Variants in ANGPT1 observed in about 807,000 individuals in gnomAD.
ANGPT1 encodes angiopoietin-1.
Under a neutral mutation model 62.2 loss-of-function variants are expected in ANGPT1, and 17 were observed. The observed-to-expected ratio is 0.27, with a 90% confidence interval of 0.19 to 0.41. ANGPT1 has a LOEUF of 0.41. ANGPT1 is among the 10% of genes least tolerant of loss of function. The pLI, the probability that ANGPT1 is intolerant of heterozygous loss-of-function variation, is 1.00. For synonymous variants in ANGPT1, 199 were observed against 198.9 expected, an observed-to-expected ratio of 1.00 and a Z score of 0.00; for missense variants, 478 against 594.9, an observed-to-expected ratio of 0.80 and a Z score of 2.04.
intron 1 of ANGPT1, among the ~76,000 whole-genome samples, chr8:107,493,621 G>A (rs1813021329): frequency 6.7e-6 from 1 of 150,352 alleles, no homozygotes; most frequent in Admixed American, 6.7e-5. Flanking sequence ...ATAAAATGCT[G>A]ACAGTAGACA....
At chr8:107,325,635 A>G (rs1165606598) in intron 3 of ANGPT1, among the ~76,000 whole-genome samples, 1 of 152,196 alleles carries the variant, frequency 6.6e-6, no homozygotes, top group Non-Finnish European at 1.5e-5. Context: ...CTAAGTGCCA[A>G]TAATTCTGTA....
At chr8:107,273,834 G>A (rs59104749) in intron 7 of ANGPT1, among the ~76,000 whole-genome samples, 39 of 150,506 alleles carry the variant, frequency 2.6e-4, no homozygotes, top group Middle Eastern at 3.4e-3. Context: ...TCTTTCCCAG[G>A]GACTGTGAGT....
chr8:107,472,376 C>T (rs1047041102), intron 1 of ANGPT1, among the ~76,000 whole-genome samples: 1 of 152,018 alleles, frequency 6.6e-6, no homozygotes, highest in African/African-American at 2.4e-5. Flanking sequence ...TTATGCTCAC[C>T]TCCTTGGCGA....
chr8:107,364,898 G>C (rs1265762844), intron 1 of ANGPT1, among the ~76,000 whole-genome samples: 2 of 152,090 alleles, frequency 1.3e-5, no homozygotes, highest in African/African-American at 4.8e-5. Context: ...GCAGTTCCTA[G>C]ATGTCTTTCA....
intron 8 of ANGPT1, among the ~76,000 whole-genome samples, chr8:107,261,320 C>T (rs1016156042): frequency 6.6e-6 from 1 of 151,632 alleles, no homozygotes; most frequent in Non-Finnish European, 1.5e-5. Context: ...GGGGTGAGGG[C>T]TGAGGGAGGA....
chr8:107,255,547 A>G (rs1438620411), intron 8 of ANGPT1, among the ~76,000 whole-genome samples: 6 of 152,240 alleles, frequency 3.9e-5, no homozygotes. Context: ...ACACAATAGT[A>G]CCAATAGTAT....
At chr8:107,264,122 G>T in intron 8 of ANGPT1, 99 bp downstream of exon 8, 3 of 1,416,504 alleles carry the variant, frequency 2.1e-6, no homozygotes, top group Non-Finnish European at 1.9e-6. Context: ...TTGCTCTTAA[G>T]TTTCCTGACC....
intron 1 of ANGPT1, among the ~76,000 whole-genome samples, chr8:107,447,965 G>A (rs1811663937): frequency 6.6e-6 from 1 of 152,186 alleles, no homozygotes. Flanking sequence ...TTGGACTTAG[G>A]CAGAAGCTGA....
At chr8:107,360,010 G>A (rs1457377684) in intron 1 of ANGPT1, among the ~76,000 whole-genome samples, 3 of 152,124 alleles carry the variant, frequency 2.0e-5, no homozygotes, top group Admixed American at 1.3e-4. Flanking sequence ...TGGCCTGGTT[G>A]GAGAAATTCT....
At chr8:107,312,692 A>G (rs1377486512) in intron 4 of ANGPT1, among the ~76,000 whole-genome samples, 1 of 152,202 alleles carries the variant, frequency 6.6e-6, no homozygotes, top group Non-Finnish European at 1.5e-5. Context: ...GGAGTGACAC[A>G]AAACCAAGAG....
At chr8:107,484,871 C>G (rs939870310) in intron 1 of ANGPT1, among the ~76,000 whole-genome samples, 25 of 152,282 alleles carry the variant, frequency 1.6e-4, no homozygotes, top group Middle Eastern at 3.4e-3. Flanking sequence ...AGCTGTACAA[C>G]TAAACATGAG....
At chr8:107,418,718 G>T (rs1481904074) in intron 1 of ANGPT1, among the ~76,000 whole-genome samples, 1 of 152,106 alleles carries the variant, frequency 6.6e-6, no homozygotes, top group African/African-American at 2.4e-5. Context: ...TAAAAATCTG[G>T]CTCATGAAAA....
At chr8:107,391,226 C>A (rs1333617542) in intron 1 of ANGPT1, among the ~76,000 whole-genome samples, 2 of 152,158 alleles carry the variant, frequency 1.3e-5, no homozygotes, top group Non-Finnish European at 2.9e-5. Flanking sequence ...GGGGCTGAAT[C>A]TTCTGGGTAT....
rs567565297 is a variant in ANGPT1 at position 107,304,131 on chromosome 8, A to C, written c.809-764T>G. Among the ~76,000 whole-genome samples the C allele has an allele frequency of 3.3e-5, 5 of 152,000 alleles. No individual in the cohort carries two copies. In the South Asian group the frequency reaches 1.0e-3, roughly 31 times the overall value. On this transcript the variant is annotated intron_variant, in intron 4 of 8. Transcript: ENST00000517746. ...TGAAATTAAATTATACAGGTGAAAG[A>C]GTCACAGTAAACACTAGAAGTCAAG...
chr8:107,493,247 GAAAC>G (rs915931628), intron 1 of ANGPT1, among the ~76,000 whole-genome samples: 3 of 150,390 alleles, frequency 2.0e-5, no homozygotes, highest in Non-Finnish European at 3.0e-5. Flanking sequence ...AACAAGCCTA[GAAAC>G]AAACAATTAA....
chr8:107,294,141 CA>C, intron 5 of ANGPT1, 104 bp from the exon 6 acceptor site: 1 of 748,608 alleles, frequency 1.3e-6, no homozygotes, highest in Non-Finnish European at 2.1e-6. Context: ...CTGCAGATTA[CA>C]AAAACCGAAA....
chr8:107,317,560 C>T (rs968189858), intron 4 of ANGPT1, among the ~76,000 whole-genome samples: 8 of 151,658 alleles, frequency 5.3e-5, no homozygotes, highest in Non-Finnish European at 8.8e-5. Context: ...ATATTTGCCA[C>T]GTGTATGCTC....
intron 7 of ANGPT1, among the ~76,000 whole-genome samples, chr8:107,283,629 G>C (rs983570926): frequency 6.6e-6 from 1 of 152,134 alleles, no homozygotes; most frequent in African/African-American, 2.4e-5. Flanking sequence ...CGCAAGGGTT[G>C]GGTTGCTATT....
intron 1 of ANGPT1, among the ~76,000 whole-genome samples, chr8:107,411,243 T>C (rs1047643174): frequency 1.3e-5 from 2 of 152,322 alleles, no homozygotes; most frequent in Non-Finnish European, 2.9e-5. Flanking sequence ...TTACAAATGG[T>C]ATTTTGCCTC....
Sources: allele counts gnomAD v4.1 joint callset (sites outside exome capture counted in the v4.1 genomes callset), GRCh38; gene constraint gnomAD v4.1.1; transcripts MANE v1.5; gene names NCBI Gene and HGNC (gene_info 2026-07-23, HGNC 2026-07-21).